SPATA13: variants seen among roughly 807,000 people sequenced by gnomAD.
The protein encoded by SPATA13 is spermatogenesis associated 13, also known as spermatogenesis-associated protein 13.
SPATA13 carries 50 observed loss-of-function variants against 104.0 expected under a neutral mutation model. That is an observed-to-expected ratio of 0.48 (90% confidence interval 0.38 to 0.61). The LOEUF is 0.61. Ranked by LOEUF, SPATA13 falls within the 20% of genes least tolerant of loss-of-function variation. SPATA13 has a pLI of 0.00. For missense variants in SPATA13, 1,524 were observed against 1,690.6 expected (o/e 0.90, Z 1.73); for synonymous variants, 606 against 667.5 (o/e 0.91, Z 1.42).
intron 4 of SPATA13, among the ~76,000 whole-genome samples, chr13:24,261,532 G>T (rs1874063254): frequency 6.6e-6 from 1 of 152,176 alleles, no homozygotes; most frequent in Non-Finnish European, 1.5e-5. Flanking sequence ...TGATATGAGT[G>T]GGGGTAAAAA....
chr13:24,297,453 T>G lies in SPATA13; in HGVS notation c.3301T>G (p.Phe1101Val). ...GCAAGGCAAAAGCCAGCAGCGGACG[T>G]TCTTCCTGTTTGACCACCAGCTGGT... is the stretch of plus-strand genomic sequence containing the variant. The part of the protein sequence containing the change: ...TKQGKSQQRT[F>V]FLFDHQLVSC... The change falls in exon 11 of 13, where the codon TTC becomes GTC. Residue 1101 changes from phenylalanine (F) to valine (V), a missense_variant. This residue lies in a region of SPATA13 where 435 missense variants were observed against 554.8 expected (regional missense o/e 0.78). Coordinates refer to ENST00000382108, the MANE Select transcript of SPATA13 (RefSeq NM_001166271.3). 1 of 1,614,186 alleles carries G rather than the reference T, an allele frequency of 6.2e-7. No individual in the cohort carries two copies. The highest frequency in any genetic ancestry group is 8.5e-7 in the Non-Finnish European group (1 of 1,180,032).
rs1266044092 is a variant in SPATA13 at position 24,011,430 on chromosome 13, C to T, written c.-146-6237C>T. ...GGCAGGTCTGGCTTGCTGCCCTCCC[C>T]TGGAGAATGTGGCGACCCAGCAGCA... On this transcript the variant is annotated intron_variant, in intron 2 of 14. Transcript: ENST00000424834. This position sits in a 1 kb window ranked among gnomAD's most constrained non-coding sequence, Gnocchi z 4.3. Among the ~76,000 whole-genome samples the T allele has an allele frequency of 6.6e-6, 1 of 152,226 alleles. No individual in the cohort carries two copies. The highest frequency in any genetic ancestry group is 1.5e-5 in the Non-Finnish European group (1 of 68,036).
At position 24,026,244 on chromosome 13, in the gene SPATA13, G is replaced by C. The variant is rs570135570; in HGVS notation, c.-112+8543G>C. On this transcript the variant is annotated intron_variant, in intron 3 of 14. Coordinates refer to the SPATA13 transcript ENST00000424834. ...TCCTTTTATGATTAATGCTTCTTGTGAGTTAAGAAATCCTTTCCTATTTAA... is the reference window on the plus strand; with the variant it reads ...TCCTTTTATGATTAATGCTTCTTGTCAGTTAAGAAATCCTTTCCTATTTAA... Among the ~76,000 whole-genome samples the C allele has an allele frequency of 3.9e-5, 6 of 152,200 alleles. No individual in the cohort carries two copies. In the East Asian group the frequency reaches 1.2e-3, roughly 29 times the overall value.
At chr13:23,991,471 TC>T (rs1169829552) in intron 2 of SPATA13, among the ~76,000 whole-genome samples, 13 of 152,272 alleles carry the variant, frequency 8.5e-5, no homozygotes, top group African/African-American at 2.9e-4. Context: ...TTCTTGCTCC[TC>T]TTTTCTCCTT....
chr13:24,062,716 GTA>G (rs1277815444), intron 3 of SPATA13, among the ~76,000 whole-genome samples: 2 of 152,106 alleles, frequency 1.3e-5, no homozygotes, highest in African/African-American at 2.4e-5. Flanking sequence ...TTGTGTGTGT[GTA>G]TGTGTGTTTG....
rs191656661 is a variant in SPATA13, at chr13:24,090,755, A to G, written c.-112+73054A>G. ...GATTTGAACATATTTATAATAGCTGACTTAAAAACTTAAATCCAACATCTG... is the reference window on the plus strand; with the variant it reads ...GATTTGAACATATTTATAATAGCTGGCTTAAAAACTTAAATCCAACATCTG... On this transcript the variant is annotated intron_variant, in intron 3 of 14. Transcript: ENST00000424834. Among the ~76,000 whole-genome samples, 4 of 152,370 alleles carry G rather than the reference A, an allele frequency of 2.6e-5. No individual in the cohort carries two copies. The East Asian group carries it at 7.7e-4, about 29-fold the overall frequency.
In SPATA13 at chr13:24,051,970, C is replaced by T. The variant is rs530951467; in HGVS notation, c.-112+34269C>T. On this transcript the variant is annotated intron_variant, in intron 3 of 14. Transcript: ENST00000424834. This position sits in a 1 kb window ranked among gnomAD's most constrained non-coding sequence, Gnocchi z 4.2. ...TCAGACGTCCTGGCTCTGGTCCTCCCACCTCATCTGTGCACCTTGCCAGTC... is the reference window on the plus strand; with the variant it reads ...TCAGACGTCCTGGCTCTGGTCCTCCTACCTCATCTGTGCACCTTGCCAGTC... 6.4e-4 allele frequency among the ~76,000 whole-genome samples: 97 copies of T among 152,298 alleles called. No homozygotes were observed. In the South Asian group the frequency reaches 0.014, roughly 22 times the overall value.
Position 24,072,965 on chromosome 13 carries a change from G to T in SPATA13, c.-112+55264G>T, listed in dbSNP as rs147210740. Among the ~76,000 whole-genome samples, 3 of 151,620 alleles carry T rather than the reference G, an allele frequency of 2.0e-5. No individual in the cohort carries two copies. The East Asian group carries it at 5.8e-4, about 29-fold the overall frequency. On this transcript the variant is annotated intron_variant, in intron 3 of 14. Coordinates refer to the SPATA13 transcript ENST00000424834. ...GTAAACTCGCAAACTCTATATGTGGGGTTCCTTTAGCATTTTAAGCTGAAC... is the reference window on the plus strand; with the variant it reads ...GTAAACTCGCAAACTCTATATGTGGTGTTCCTTTAGCATTTTAAGCTGAAC...
At chr13:24,081,642 G>A (rs1259598897) in intron 3 of SPATA13, among the ~76,000 whole-genome samples, 2 of 152,116 alleles carry the variant, frequency 1.3e-5, no homozygotes, top group African/African-American at 4.8e-5. Flanking sequence ...CAACTGCACT[G>A]CAGCCTGGGT....
Position 24,286,499 on chromosome 13 carries a change from T to C in SPATA13, c.2481+106T>C. 2 of 1,216,446 alleles carry C rather than the reference T, an allele frequency of 1.6e-6. No individual in the cohort carries two copies. Among genetic ancestry groups the C allele is most frequent in the Non-Finnish European group, 2.3e-6 (2 of 882,034 alleles). The allele number at this position is 1,216,446 out of a possible 1,614,324, so 75.4% of individuals were successfully genotyped here. ...CAGGTCAGCTCTTTTGTAATTGATA[T>C]CTGACATGCAAGTCACACCTGTAAG... On this transcript the variant is annotated intron_variant, in intron 6 of 12. Coordinates refer to ENST00000382108, the MANE Select transcript of SPATA13 (RefSeq NM_001166271.3). This position sits in a 1 kb window ranked among gnomAD's most constrained non-coding sequence, Gnocchi z 4.9.
chr13:24,016,154 T>A (rs944836558), intron 2 of SPATA13, among the ~76,000 whole-genome samples: 2 of 152,178 alleles, frequency 1.3e-5, no homozygotes, highest in African/African-American at 4.8e-5. Context: ...CCCTGAGACC[T>A]GCCCGGAATT....
At chr13:24,294,086 T>G (rs1227132004) in intron 9 of SPATA13, among the ~76,000 whole-genome samples, 1 of 151,994 alleles carries the variant, frequency 6.6e-6, no homozygotes, top group East Asian at 1.9e-4. Flanking sequence ...GTGTGTAGAT[T>G]AAAACTGTAG....
At chr13:24,122,277 T>C in intron 3 of SPATA13, 5 of 1,348,396 alleles carry the variant, frequency 3.7e-6, no homozygotes, top group Non-Finnish European at 5.3e-6. Flanking sequence ...CGATTTTGAA[T>C]AGTTTGAAAG....
intron 4 of SPATA13, among the ~76,000 whole-genome samples, chr13:24,263,628 T>C (rs1295670411): frequency 6.6e-6 from 1 of 152,226 alleles, no homozygotes; most frequent in Non-Finnish European, 1.5e-5. Context: ...GCAATGTAAA[T>C]GCTATGTAAA....
chr13:24,198,275 G>A (rs1282121899), intron 1 of SPATA13, among the ~76,000 whole-genome samples: 6 of 152,122 alleles, frequency 3.9e-5, no homozygotes, highest in South Asian at 2.1e-4. Flanking sequence ...TTACAGGCGT[G>A]AGCCACCGCA....
chr13:24,107,264 A>AG lies in SPATA13; in HGVS notation c.-112+89564dup, dbSNP rs1342929202. Among the ~76,000 whole-genome samples the AG allele has an allele frequency of 6.1e-4, 88 of 143,654 alleles. 1 individual carries two copies. Among genetic ancestry groups the AG allele is most frequent in the Non-Finnish European group, 1.2e-3 (78 of 65,874 alleles). 94.2% of individuals were successfully genotyped at this position (143,654 alleles called of 152,430 possible). On this transcript the variant is annotated intron_variant, in intron 3 of 14. Coordinates refer to the SPATA13 transcript ENST00000424834. ...AAAAAAAAAAAAAAAAAAAAAAAAA[A>AG]GCTCAAGCCTGGTTCTCCACTCAGT...
intron 3 of SPATA13, among the ~76,000 whole-genome samples, chr13:24,032,766 G>A (rs1319140654): frequency 6.6e-6 from 1 of 152,196 alleles, no homozygotes; most frequent in Non-Finnish European, 1.5e-5. Flanking sequence ...AAACCTAAAT[G>A]TGCTCACTAC....
chr13:24,036,473 T>A (rs1877686743), intron 3 of SPATA13, among the ~76,000 whole-genome samples: 2 of 152,250 alleles, frequency 1.3e-5, no homozygotes, highest in South Asian at 4.1e-4. Flanking sequence ...ACAAGTGTGG[T>A]TTCTTACTGG....
intron 3 of SPATA13, among the ~76,000 whole-genome samples, chr13:24,076,411 G>A (rs779669907): frequency 6.6e-6 from 1 of 152,120 alleles, no homozygotes; most frequent in Non-Finnish European, 1.5e-5. Context: ...AAGGACGAGG[G>A]GAACAGACAA....
Sources: gnomAD v4.1 joint callset for allele counts (sites outside exome capture counted in the v4.1 genomes callset) on GRCh38, gnomAD v4.1.1 for gene constraint, gnomAD v4.1.1 regional missense constraint, Gnocchi (gnomAD v3.1) non-coding constraint, MANE v1.5 for transcripts, NCBI Gene and HGNC (gene_info 2026-07-23, HGNC 2026-07-21) for gene names.